The following IMMP2L variants were observed in gnomAD, a reference collection of about 807,000 sequenced individuals.
IMMP2L encodes mitochondrial inner membrane protease subunit 2.
Under a neutral mutation model 19.3 loss-of-function variants are expected in IMMP2L, and 18 were observed. That is an observed-to-expected ratio of 0.93 (90% CI 0.64 to 1.38). The LOEUF is 1.38. Ranked by LOEUF, IMMP2L falls within the 40% of genes most tolerant of loss-of-function variation. The probability of loss-of-function intolerance (pLI) is 0.00; values close to 1 mark genes in which losing one functional copy is unlikely to be tolerated. For synonymous variants in IMMP2L, 76 were observed against 73.0 expected (o/e 1.04, Z -0.21); for missense variants, 233 against 218.2 (o/e 1.07, Z -0.43).
chr7:111,077,761 C>T lies in IMMP2L; in HGVS notation c.240-114196G>A, dbSNP rs374702508. The stretch of plus-strand genomic sequence containing the variant: ...TAAAATATAATTCCTTTCCATGGTT[C>T]GCAAGACTATAGGAGATCTCATCCC... On this transcript the variant is annotated intron_variant, in intron 3 of 5. Coordinates refer to ENST00000405709, the MANE Select transcript of IMMP2L (RefSeq NM_032549.4). Among the ~76,000 whole-genome samples, 31 of 152,292 alleles carry T rather than the reference C, an allele frequency of 2.0e-4. No homozygotes were observed. In the East Asian group the frequency reaches 4.8e-3, roughly 24 times the overall value.
chr7:111,240,916 G>C (rs1022197847), intron 3 of IMMP2L, among the ~76,000 whole-genome samples: 1 of 151,814 alleles, frequency 6.6e-6, no homozygotes, highest in Admixed American at 6.6e-5. Context: ...GTCTTAGAAA[G>C]ACAGGTGCTA....
intron 3 of IMMP2L, among the ~76,000 whole-genome samples, chr7:111,003,169 T>C (rs1255903553): frequency 2.6e-5 from 4 of 152,196 alleles, no homozygotes; most frequent in African/African-American, 9.6e-5. Context: ...AACTTGGTTG[T>C]GTTCTGGCTC....
intron 5 of IMMP2L, among the ~76,000 whole-genome samples, chr7:110,723,009 C>T (rs1795672649): frequency 6.6e-6 from 1 of 152,086 alleles, no homozygotes. Context: ...GTTCTATGTA[C>T]CAATCATCAA....
chr7:111,446,288 T>C (rs1258051890), intron 3 of IMMP2L, among the ~76,000 whole-genome samples: 1 of 149,950 alleles, frequency 6.7e-6, no homozygotes, highest in Non-Finnish European at 1.5e-5. Flanking sequence ...CAGTAACCTC[T>C]GCAGACTTAA....
In IMMP2L at chr7:110,924,710, T is replaced by C. The variant is rs758282083; in HGVS notation, c.306-38015A>G. Among the ~76,000 whole-genome samples the C allele has an allele frequency of 1.3e-5, 2 of 152,152 alleles. No homozygotes were observed. The highest frequency in any genetic ancestry group is 2.9e-5 in the Non-Finnish European group (2 of 68,024). ...ACTCAACAATTTAAATGGCCTCATT[T>C]CTTCTTTCAGTGCTTTGGAAGGTAC... is the stretch of plus-strand genomic sequence containing the variant. On this transcript the variant is annotated intron_variant, in intron 4 of 5. Transcript: ENST00000405709. This position sits in a 1 kb window ranked among gnomAD's most constrained non-coding sequence, Gnocchi z 4.2.
intron 3 of IMMP2L, among the ~76,000 whole-genome samples, chr7:111,316,329 G>C (rs1824073595): frequency 6.6e-6 from 1 of 151,864 alleles, no homozygotes; most frequent in African/African-American, 2.4e-5. Context: ...AAGACTCATA[G>C]ACAAAGAAAG....
chr7:111,483,690 G>C (rs1480984978), intron 3 of IMMP2L: 1 of 152,122 alleles, frequency 6.6e-6, no homozygotes, highest in African/African-American at 2.4e-5. Flanking sequence ...AAAACCCCTT[G>C]CAATAGAAAG....
intron 4 of IMMP2L, among the ~76,000 whole-genome samples, chr7:110,907,903 C>A (rs1812641702): frequency 2.0e-5 from 3 of 151,998 alleles, no homozygotes; most frequent in Admixed American, 2.0e-4. Flanking sequence ...CTAGGATATT[C>A]CCAGGGTGAA....
At chr7:111,322,534 G>C (rs1487409494) in intron 3 of IMMP2L, among the ~76,000 whole-genome samples, 1 of 151,356 alleles carries the variant, frequency 6.6e-6, no homozygotes, top group African/African-American at 2.4e-5. Flanking sequence ...CAATGGTAGA[G>C]AAATCTCCAG....
intron 3 of IMMP2L, among the ~76,000 whole-genome samples, chr7:111,066,054 C>T (rs2129574906): frequency 6.7e-6 from 1 of 148,568 alleles, no homozygotes; most frequent in East Asian, 2.0e-4. Context: ...TCTTGACTCA[C>T]TGCAACCTCC....
rs1171143389 is a variant in IMMP2L at position 110,803,620 on chromosome 7, G to A, written c.408+82973C>T. 1.3e-5 allele frequency among the ~76,000 whole-genome samples: 2 copies of A among 152,140 alleles called. No homozygotes were observed. The highest frequency in any genetic ancestry group is 2.4e-5 in the African/African-American group (1 of 41,534). ...GTTGGGGTCTTCCTACCTCTGCTGT[G>A]GTTAGTCATTGGATGGGGGGAGCTC... is the stretch of plus-strand genomic sequence containing the variant. On this transcript the variant is annotated intron_variant, in intron 5 of 5. Transcript: ENST00000405709. The surrounding 1 kb of genome is among the most constrained non-coding windows in gnomAD (Gnocchi z 4.2).
chr7:111,228,522 C>T (rs1451605051), intron 3 of IMMP2L, among the ~76,000 whole-genome samples: 2 of 151,222 alleles, frequency 1.3e-5, no homozygotes, highest in African/African-American at 4.9e-5. Flanking sequence ...TCCTTGAGAC[C>T]AGATGGCCAA....
At chr7:110,816,302 C>T (rs1043761105) in intron 5 of IMMP2L, among the ~76,000 whole-genome samples, 18 of 152,150 alleles carry the variant, frequency 1.2e-4, no homozygotes, top group African/African-American at 3.9e-4. Flanking sequence ...ATCCTGAGTT[C>T]TAGTTTGATT....
chr7:111,358,114 C>T (rs369683425), intron 3 of IMMP2L, among the ~76,000 whole-genome samples: 12 of 150,586 alleles, frequency 8.0e-5, no homozygotes, highest in Non-Finnish European at 1.6e-4. Context: ...TTGCTATACC[C>T]TCTGGGTGCC....
Position 110,728,251 on chromosome 7 carries a change from C to A in IMMP2L, c.409-64530G>T, listed in dbSNP as rs2130802189. On this transcript the variant is annotated intron_variant, in intron 5 of 5. Transcript: ENST00000405709. This position sits in a 1 kb window ranked among gnomAD's most constrained non-coding sequence, Gnocchi z 4.6. The stretch of plus-strand genomic sequence containing the variant: ...TGGTGGTTCACGCCTGTAATCCCAG[C>A]AGGTTGGGAAGCCAAGGCAGGCAGA... Among the ~76,000 whole-genome samples, 1 of 152,198 alleles carries A rather than the reference C, an allele frequency of 6.6e-6. No individual in the cohort carries two copies. The highest frequency in any genetic ancestry group is 1.9e-4 in the East Asian group (1 of 5,178).
chr7:111,445,498 TAAA>T (rs1419313617), intron 3 of IMMP2L, among the ~76,000 whole-genome samples: 1 of 151,984 alleles, frequency 6.6e-6, no homozygotes, highest in African/African-American at 2.4e-5. Context: ...TGATGAATAA[TAAA>T]GAAGTATAAA....
intron 5 of IMMP2L, among the ~76,000 whole-genome samples, chr7:110,810,080 C>T (rs1801918146): frequency 6.6e-6 from 1 of 152,188 alleles, no homozygotes; most frequent in South Asian, 2.1e-4. Context: ...ACTATTCTGC[C>T]TTGCCGGCTT....
chr7:111,504,051 T>A (rs1040671405), intron 2 of IMMP2L, among the ~76,000 whole-genome samples: 2 of 152,164 alleles, frequency 1.3e-5, no homozygotes, highest in Admixed American at 1.3e-4. Context: ...GCAGATGACA[T>A]GATTGTATAT....
At chr7:111,108,331 T>C (rs970506718) in intron 3 of IMMP2L, among the ~76,000 whole-genome samples, 1 of 152,178 alleles carries the variant, frequency 6.6e-6, no homozygotes, top group Non-Finnish European at 1.5e-5. Context: ...ATTCTGAAAG[T>C]CTGTGGCACT....
Sources: allele counts gnomAD v4.1 joint callset (sites outside exome capture counted in the v4.1 genomes callset), GRCh38; gene constraint gnomAD v4.1.1; non-coding constraint Gnocchi (gnomAD v3.1); transcripts MANE v1.5; gene names NCBI Gene and HGNC (gene_info 2026-07-23, HGNC 2026-07-21).